The following KLF17 variants were observed in gnomAD, a reference collection of about 807,000 sequenced individuals.
KLF17 encodes KLF transcription factor 17, also known as Krueppel-like factor 17.
KLF17 carries 31 observed loss-of-function variants against 34.2 expected under a neutral mutation model. The ratio of observed to expected loss-of-function variants is 0.91; its 90% CI spans 0.68 to 1.22. KLF17 has a LOEUF of 1.22. Among genes scored for constraint, KLF17 ranks in the 50% most tolerant of loss-of-function variants. The probability of loss-of-function intolerance (pLI) is 0.00; values close to 1 mark genes in which losing one functional copy is unlikely to be tolerated. For missense variants in KLF17, 478 were observed against 505.2 expected (o/e 0.95, Z 0.52); for synonymous variants, 179 against 186.7 (o/e 0.96, Z 0.34).
chr1:44,126,848 T>TA (rs1273836096), intron 1 of KLF17, among the ~76,000 whole-genome samples: 24 of 152,026 alleles, frequency 1.6e-4, no homozygotes, highest in African/African-American at 3.9e-4. Context: ...AAAATATATA[T>TA]TTTTTACCTT....
chr1:44,099,842 A>AAAG, the KLF17 span, among the ~76,000 whole-genome samples: 2 of 40,098 alleles, frequency 5.0e-5, no homozygotes, highest in African/African-American at 2.9e-4. Context: ...AGAAAGAAAG[A>AAAG]AAGAAAGAAA....
chr1:44,053,460 G>C, the KLF17 span, among the ~76,000 whole-genome samples: 39 of 152,008 alleles, frequency 2.6e-4, no homozygotes, highest in African/African-American at 4.1e-4. Context: ...CCTAGTTCTG[G>C]GGGGGGAGGA....
chr1:44,062,728 A>AG, the KLF17 span, among the ~76,000 whole-genome samples: 1 of 152,002 alleles, frequency 6.6e-6, no homozygotes, highest in Non-Finnish European at 1.5e-5. Flanking sequence ...AAAAAAAAAA[A>AG]AAAAATCATG....
the KLF17 span, among the ~76,000 whole-genome samples, chr1:44,074,518 A>G: frequency 6.6e-6 from 1 of 152,218 alleles, no homozygotes; most frequent in Non-Finnish European, 1.5e-5. Flanking sequence ...GAAGACAGAC[A>G]GCTTTGCACT....
the KLF17 span, chr1:44,047,877 A>G: frequency 6.6e-6 from 1 of 152,192 alleles, no homozygotes; most frequent in Non-Finnish European, 1.5e-5. Flanking sequence ...TCTAGTGGAC[A>G]CTTTGTGAAT....
At chr1:44,051,990 G>A in the KLF17 span, 3 of 152,136 alleles carry the variant, frequency 2.0e-5, no homozygotes, top group Non-Finnish European at 2.9e-5. Context: ...TGAGTGGATA[G>A]AGGCTTTCCC....
chr1:44,127,712 C>CTTTCT (rs71587042), intron 1 of KLF17, among the ~76,000 whole-genome samples: 1 of 73,940 alleles, frequency 1.4e-5, no homozygotes, highest in African/African-American at 6.7e-5. Flanking sequence ...TTCTTTCTTT[C>CTTTCT]TTCTCTTTTC....
chr1:44,127,616 TTTC>T (rs2088025962), intron 1 of KLF17, among the ~76,000 whole-genome samples: 2 of 66,054 alleles, frequency 3.0e-5, no homozygotes, highest in Non-Finnish European at 6.6e-5. Context: ...CTTTCTTTCT[TTTC>T]TTTTCTTTTC....
intron 1 of KLF17, among the ~76,000 whole-genome samples, chr1:44,121,207 C>T (rs904140626): frequency 1.3e-5 from 2 of 152,178 alleles, no homozygotes; most frequent in Admixed American, 6.5e-5. Flanking sequence ...ACCTCCGCTT[C>T]CCAGGTTCAA....
the KLF17 span, among the ~76,000 whole-genome samples, chr1:44,087,765 T>C: frequency 0.096 from 5,302 of 55,294 alleles, 205 homozygotes; most frequent in South Asian, 0.17. Flanking sequence ...TATATATATA[T>C]ATATACACAC....
At chr1:44,132,439 A>G (rs1241630187) in intron 3 of KLF17, among the ~76,000 whole-genome samples, 1 of 152,082 alleles carries the variant, frequency 6.6e-6, no homozygotes, top group African/African-American at 2.4e-5. Context: ...ATCAATGGGG[A>G]GGCCTCCCAA....
the KLF17 span, among the ~76,000 whole-genome samples, chr1:44,106,026 A>G: frequency 6.6e-6 from 1 of 152,100 alleles, no homozygotes; most frequent in South Asian, 2.1e-4. Context: ...GGAGGGAGGA[A>G]GAGAGAGAGG....
the KLF17 span, among the ~76,000 whole-genome samples, chr1:44,096,921 G>GT: frequency 1.3e-5 from 2 of 152,074 alleles, no homozygotes; most frequent in African/African-American, 4.8e-5. Context: ...ATCCTGAATG[G>GT]TATTGCCTAG....
the KLF17 span, among the ~76,000 whole-genome samples, chr1:44,112,687 TG>T: frequency 6.6e-6 from 1 of 152,178 alleles, no homozygotes; most frequent in Non-Finnish European, 1.5e-5. Context: ...GGATTATGGA[TG>T]TGAGTCACCG....
intron 3 of KLF17, 30 bp downstream of exon 3, chr1:44,130,786 CT>C: frequency 6.2e-7 from 1 of 1,606,800 alleles, no homozygotes. Context: ...TCTGGGTTTT[CT>C]TTTTCCTTTT....
chr1:44,058,381 C>G, the KLF17 span, among the ~76,000 whole-genome samples: 8 of 152,170 alleles, frequency 5.3e-5, no homozygotes, highest in Admixed American at 5.2e-4. Context: ...ACCTCCACCT[C>G]CCAGGTTCAA....
At chr1:44,080,662 T>C in the KLF17 span, among the ~76,000 whole-genome samples, 11 of 152,070 alleles carry the variant, frequency 7.2e-5, no homozygotes, top group East Asian at 1.9e-3. Flanking sequence ...TATCTGCCTT[T>C]AATTGGATGA....
At chr1:44,102,024 A>G in the KLF17 span, among the ~76,000 whole-genome samples, 1 of 151,342 alleles carries the variant, frequency 6.6e-6, no homozygotes, top group African/African-American at 2.4e-5. Flanking sequence ...CAACCTGGGC[A>G]ATAGATTGAG....
chr1:44,104,702 C>T, the KLF17 span: 1 of 377,584 alleles, frequency 2.6e-6, no homozygotes, highest in Non-Finnish European at 5.0e-6. Flanking sequence ...CGTATAGGAG[C>T]GGCATAGCAG....
Sources: gnomAD v4.1 joint callset for allele counts (sites outside exome capture counted in the v4.1 genomes callset) on GRCh38, gnomAD v4.1.1 for gene constraint, MANE v1.5 for transcripts, NCBI Gene and HGNC (gene_info 2026-07-23, HGNC 2026-07-21) for gene names.